The following CGNL1 variants were observed in gnomAD, a reference collection of about 807,000 sequenced individuals.
CGNL1 encodes the protein cingulin like 1.
Under a neutral mutation model 141.2 loss-of-function variants are expected in CGNL1, and 132 were observed. That is an observed-to-expected ratio of 0.93 (90% CI 0.81 to 1.08). CGNL1 has a LOEUF of 1.08. Ranked by LOEUF, CGNL1 falls within the 50% of genes least tolerant of loss-of-function variation. The probability of loss-of-function intolerance (pLI) is 0.00; values close to 1 mark genes in which losing one functional copy is unlikely to be tolerated. For missense variants in CGNL1, 1,870 were observed against 1,588.6 expected, an observed-to-expected ratio of 1.18 and a Z score of -3.01; for synonymous variants, 690 against 622.1, an observed-to-expected ratio of 1.11 and a Z score of -1.63.
chr15:57,413,101 C>T (rs776505825), intron 1 of CGNL1, among the ~76,000 whole-genome samples: 5 of 152,084 alleles, frequency 3.3e-5, no homozygotes, highest in Non-Finnish European at 5.9e-5. Flanking sequence ...CCCCGTGATC[C>T]ACTCACCTTG....
chr15:57,543,167 C>T (rs549965348), intron 14 of CGNL1, among the ~76,000 whole-genome samples: 1 of 152,264 alleles, frequency 6.6e-6, no homozygotes, highest in African/African-American at 2.4e-5. Flanking sequence ...CTGGTGGTTT[C>T]TGGCAATCTT....
intron 8 of CGNL1, among the ~76,000 whole-genome samples, chr15:57,499,860 A>T (rs2063997452): frequency 6.6e-6 from 1 of 152,220 alleles, no homozygotes; most frequent in Admixed American, 6.5e-5. Context: ...CCTTGGGCAG[A>T]TCAGATGGAA....
chr15:57,394,574 A>C (rs147714405), intron 1 of CGNL1, among the ~76,000 whole-genome samples: 3,492 of 152,328 alleles, frequency 0.023, 107 homozygotes, highest in Admixed American at 0.078. Context: ...ATTTAAAGCC[A>C]CAATTCATGA....
Position 57,547,177 on chromosome 15 carries a change from C to T in CGNL1, c.3774-178C>T, listed in dbSNP as rs539822160. Among the ~76,000 whole-genome samples the T allele has an allele frequency of 4.0e-3, 612 of 152,298 alleles. 4 individuals are homozygous for T. Among genetic ancestry groups the T allele is most frequent in the Middle Eastern group, 6.8e-3 (2 of 294 alleles). ...CAGGCTTTCCGTGCCGAAATGGGGGCGGTGGACTCCCTGTGGCTGAAGGGG... is the reference window on the plus strand; with the variant it reads ...CAGGCTTTCCGTGCCGAAATGGGGGTGGTGGACTCCCTGTGGCTGAAGGGG... On this transcript the variant is annotated intron_variant, in intron 18 of 18. Transcript: ENST00000281282.
intron 8 of CGNL1, among the ~76,000 whole-genome samples, chr15:57,507,686 G>C (rs1346736068): frequency 6.6e-6 from 1 of 152,168 alleles, no homozygotes; most frequent in Non-Finnish European, 1.5e-5. Flanking sequence ...GGAGAGAATG[G>C]CCCTCACCTC....
chr15:57,503,765 G>A (rs762050727), intron 8 of CGNL1, among the ~76,000 whole-genome samples: 3 of 152,164 alleles, frequency 2.0e-5, no homozygotes, highest in Non-Finnish European at 4.4e-5. Context: ...GAGAAAATGA[G>A]GAAGATACAG....
chr15:57,399,998 CTTTT>C (rs10532752), intron 1 of CGNL1, among the ~76,000 whole-genome samples: 8 of 144,268 alleles, frequency 5.5e-5, no homozygotes, highest in Non-Finnish European at 7.5e-5. Context: ...TTTCTAATAC[CTTTT>C]TTTTTTTTTT....
chr15:57,527,484 C>T (rs1417656817), intron 12 of CGNL1: 1 of 152,232 alleles, frequency 6.6e-6, no homozygotes, highest in Non-Finnish European at 1.5e-5. Context: ...GTACCAACTC[C>T]AAGAGGGTAG....
At chr15:57,517,536 A>G (rs1213958277) in intron 9 of CGNL1, among the ~76,000 whole-genome samples, 1 of 152,208 alleles carries the variant, frequency 6.6e-6, no homozygotes, top group Non-Finnish European at 1.5e-5. Flanking sequence ...CTATCATGGA[A>G]TACCACCCTG....
At chr15:57,543,820 G>A (rs1325562973) in intron 15 of CGNL1, 41 bp downstream of exon 15, 27 of 1,474,904 alleles carry the variant, frequency 1.8e-5, no homozygotes, top group Middle Eastern at 3.8e-4. Flanking sequence ...CCGTCCATCC[G>A]CTAACCCTCC....
At chr15:57,418,625 T>A (rs1019178254) in intron 1 of CGNL1, among the ~76,000 whole-genome samples, 8 of 152,170 alleles carry the variant, frequency 5.3e-5, no homozygotes, top group African/African-American at 1.9e-4. Context: ...ATCACCACAT[T>A]GCTCATAATC....
At chr15:57,500,986 A>G (rs1290244) in intron 8 of CGNL1, among the ~76,000 whole-genome samples, 134,669 of 152,220 alleles carry the variant, frequency 0.88, 61,892 homozygotes, top group Non-Finnish European at 1. Flanking sequence ...TGTATTAACT[A>G]TAAAGTATAG....
chr15:57,377,927 G>A (rs1349694215), intron 1 of CGNL1, among the ~76,000 whole-genome samples: 2 of 152,324 alleles, frequency 1.3e-5, no homozygotes, highest in African/African-American at 4.8e-5. Context: ...GCATAAATGT[G>A]GAGAATTTTC....
Position 57,516,793 on chromosome 15 carries a change from TG to T in CGNL1, c.2419del (p.Ala807ArgfsTer18). On this transcript the variant is annotated frameshift_variant, in exon 9 of 19. Transcript: ENST00000281282. LOFTEE classifies it high-confidence loss of function. ...VEEATKNVEV[L>X]ASRSNTSEQD... Reference sequence around the variant, plus strand: ...TGTTTTTAACAGAATGTCGAGGTCTTGGCGAGCAGGAGCAACACTTCAGAGC... The same window carrying T: ...TGTTTTTAACAGAATGTCGAGGTCTTGCGAGCAGGAGCAACACTTCAGAGC... 6.2e-7 allele frequency: 1 copy of T among 1,614,138 alleles called. No homozygotes were observed. The highest frequency in any genetic ancestry group is 8.5e-7 in the Non-Finnish European group (1 of 1,180,022).
At chr15:57,503,593 T>C (rs1595773144) in intron 8 of CGNL1, among the ~76,000 whole-genome samples, 1 of 151,362 alleles carries the variant, frequency 6.6e-6, no homozygotes, top group Non-Finnish European at 1.5e-5. Flanking sequence ...AGGCTTGGAG[T>C]GGAAGGGGTG....
Position 57,453,777 on chromosome 15 carries a change from G to A in CGNL1, c.2149G>A (p.Ala717Thr). The A allele has an allele frequency of 6.2e-7, 1 of 1,613,950 alleles. No individual in the cohort carries two copies. The highest frequency in any genetic ancestry group is 1.3e-5 in the African/African-American group (1 of 75,034). The change falls in exon 7 of 19, where the codon GCA (alanine) becomes ACA (threonine). Residue 717 changes from alanine (A) to threonine (T), a missense_variant. Physicochemically the swap from Ala to Thr is moderately conservative, Grantham distance 58 (BLOSUM62 0). Coordinates refer to ENST00000281282, the MANE Select transcript of CGNL1 (RefSeq NM_032866.5). ...AGAAATGCACGATGAACTGGACAGT[G>A]CAAAGCGATCGGAGGACAGGGAGAA... ...LSEMHDELDSAKRSEDREKGA... is the reference protein window; with the variant it reads ...LSEMHDELDSTKRSEDREKGA...
chr15:57,387,566 G>C (rs2152224997), intron 1 of CGNL1, among the ~76,000 whole-genome samples: 1 of 152,208 alleles, frequency 6.6e-6, no homozygotes, highest in Non-Finnish European at 1.5e-5. Flanking sequence ...GCACACATAG[G>C]GGCCCTGAGT....
intron 8 of CGNL1, among the ~76,000 whole-genome samples, chr15:57,493,014 G>C (rs2063888151): frequency 6.6e-6 from 1 of 152,188 alleles, no homozygotes; most frequent in Non-Finnish European, 1.5e-5. Context: ...GGGATAAGGG[G>C]ACGAGTCTAG....
At chr15:57,455,317 C>G (rs2063365997) in intron 7 of CGNL1, among the ~76,000 whole-genome samples, 1 of 152,126 alleles carries the variant, frequency 6.6e-6, no homozygotes. Flanking sequence ...AAAAGTGTAG[C>G]TTCATGAACA....
Sources: gnomAD v4.1 joint callset for allele counts (sites outside exome capture counted in the v4.1 genomes callset) on GRCh38, gnomAD v4.1.1 for gene constraint, MANE v1.5 for transcripts, NCBI Gene and HGNC (gene_info 2026-07-23, HGNC 2026-07-21) for gene names.